The following PAPSS1 variants were observed in gnomAD, a reference collection of about 807,000 sequenced individuals.
PAPSS1 encodes the protein bifunctional 3'-phosphoadenosine 5'-phosphosulfate synthase 1.
In PAPSS1, 50 loss-of-function variants were observed where a neutral mutation model predicts 72.0. That is an observed-to-expected ratio of 0.69 (90% CI 0.55 to 0.88). The LOEUF (loss-of-function observed/expected upper bound fraction) is 0.88. Ranked by LOEUF, PAPSS1 falls within the 40% of genes least tolerant of loss-of-function variation. The pLI is 0.00. For synonymous variants in PAPSS1, 261 were observed against 263.6 expected (o/e 0.99, Z 0.09); for missense variants, 657 against 782.2 (o/e 0.84, Z 1.91).
In PAPSS1 at chr4:107,654,694, C is replaced by T; in HGVS notation, c.1101+1G>A. 6.2e-7 allele frequency: 1 copy of T among 1,611,452 alleles called. No individual in the cohort carries two copies. Among genetic ancestry groups the T allele is most frequent in the South Asian group, 1.1e-5 (1 of 90,900 alleles). Reference sequence around the variant, plus strand: ...AAAATGCAGCGAGGTTTTTTCAGCACCTTAATATAGGGGTGGTTCTTGCAT... The same window carrying T: ...AAAATGCAGCGAGGTTTTTTCAGCATCTTAATATAGGGGTGGTTCTTGCAT... On this transcript the variant is annotated splice_donor_variant, in intron 8 of 11. Transcript: ENST00000265174. LOFTEE classifies it high-confidence loss of function.
At chr4:107,632,720 C>G (rs973812996) in intron 10 of PAPSS1, among the ~76,000 whole-genome samples, 11 of 152,058 alleles carry the variant, frequency 7.2e-5, no homozygotes, top group Non-Finnish European at 1.6e-4. Context: ...GTGAAGCCCC[C>G]GAAAGGTTAA....
At chr4:107,663,857 T>C (rs897029044) in intron 5 of PAPSS1, among the ~76,000 whole-genome samples, 1 of 152,204 alleles carries the variant, frequency 6.6e-6, no homozygotes, top group African/African-American at 2.4e-5. Flanking sequence ...AGTTGAGAAG[T>C]ATTGAAAACT....
At chr4:107,692,780 A>G (rs575854031) in intron 3 of PAPSS1, among the ~76,000 whole-genome samples, 207 of 147,408 alleles carry the variant, frequency 1.4e-3, no homozygotes, top group African/African-American at 4.1e-3. Context: ...CACGGTGTGT[A>G]TATATATATA....
chr4:107,701,019 C>T, intron 2 of PAPSS1, 152 bp downstream of exon 2: 1 of 402,074 alleles, frequency 2.5e-6, no homozygotes, highest in Non-Finnish European at 4.4e-6. Flanking sequence ...AAAAAAATAA[C>T]AAGAAATATT....
At chr4:107,700,812 A>C (rs1300319783) in intron 2 of PAPSS1, among the ~76,000 whole-genome samples, 2 of 152,232 alleles carry the variant, frequency 1.3e-5, no homozygotes, top group African/African-American at 2.4e-5. Context: ...TAAATTACCC[A>C]GTCTCTGGTA....
At chr4:107,717,158 C>A (rs777798985) in intron 1 of PAPSS1, among the ~76,000 whole-genome samples, 3 of 151,372 alleles carry the variant, frequency 2.0e-5, no homozygotes, top group Non-Finnish European at 2.9e-5. Flanking sequence ...ATTGAAAAAA[C>A]ACTGAAATGA....
At chr4:107,661,441 A>G (rs1727179557) in intron 5 of PAPSS1, among the ~76,000 whole-genome samples, 1 of 152,322 alleles carries the variant, frequency 6.6e-6, no homozygotes, top group Admixed American at 6.5e-5. Context: ...GACAGCCACA[A>G]TGTGTCTTTA....
intron 5 of PAPSS1, among the ~76,000 whole-genome samples, chr4:107,671,198 T>TG (rs1190911055): frequency 4.6e-5 from 7 of 151,708 alleles, no homozygotes; most frequent in African/African-American, 1.4e-4. Context: ...GACTGAATCC[T>TG]GGAACAGGAA....
intron 2 of PAPSS1, among the ~76,000 whole-genome samples, chr4:107,695,275 A>G (rs1031151602): frequency 6.6e-6 from 1 of 152,152 alleles, no homozygotes; most frequent in Admixed American, 6.6e-5. Context: ...GAGTTTATTC[A>G]TGATTTGGCT....
intron 10 of PAPSS1, among the ~76,000 whole-genome samples, chr4:107,638,220 G>A (rs1309783638): frequency 1.3e-5 from 2 of 152,140 alleles, no homozygotes; most frequent in African/African-American, 4.8e-5. Context: ...CAAAAATTAT[G>A]AAATATACTT....
chr4:107,684,154 T>C (rs1722711400), intron 4 of PAPSS1, among the ~76,000 whole-genome samples: 1 of 152,180 alleles, frequency 6.6e-6, no homozygotes, highest in South Asian at 2.1e-4. Context: ...CAAGGTCTTA[T>C]TCATCTTTGA....
At chr4:107,630,806 T>C (rs950896694) in intron 11 of PAPSS1, among the ~76,000 whole-genome samples, 1 of 152,160 alleles carries the variant, frequency 6.6e-6, no homozygotes, top group African/African-American at 2.4e-5. Flanking sequence ...AGCCTTTGTA[T>C]GCCTCTAGAT....
intron 4 of PAPSS1, among the ~76,000 whole-genome samples, chr4:107,684,619 C>G (rs889463653): frequency 1.5e-4 from 23 of 152,186 alleles, no homozygotes; most frequent in African/African-American, 5.5e-4. Flanking sequence ...TTATCTTAAC[C>G]TGAACAATTC....
intron 1 of PAPSS1, among the ~76,000 whole-genome samples, chr4:107,715,860 C>G (rs1208255985): frequency 1.3e-5 from 2 of 152,258 alleles, no homozygotes; most frequent in East Asian, 3.9e-4. Flanking sequence ...CACTATAACC[C>G]CATATGGTAT....
At chr4:107,692,609 AT>A (rs2110342026) in intron 3 of PAPSS1, among the ~76,000 whole-genome samples, 1 of 152,304 alleles carries the variant, frequency 6.6e-6, no homozygotes, top group African/African-American at 2.4e-5. Context: ...CAGAAATACC[AT>A]TTGACCCAGC....
intron 5 of PAPSS1, among the ~76,000 whole-genome samples, chr4:107,679,111 G>A (rs1179391726): frequency 6.6e-6 from 1 of 152,140 alleles, no homozygotes; most frequent in East Asian, 1.9e-4. Flanking sequence ...AAGGAGCACT[G>A]AGAAAAACCC....
At chr4:107,617,647 C>A (rs1322039124) in intron 11 of PAPSS1, among the ~76,000 whole-genome samples, 1 of 152,160 alleles carries the variant, frequency 6.6e-6, no homozygotes, top group African/African-American at 2.4e-5. Flanking sequence ...GATAGACATA[C>A]ACATTCAACT....
intron 3 of PAPSS1, among the ~76,000 whole-genome samples, chr4:107,688,069 ACTAATGATC>A (rs1224390381): frequency 6.6e-6 from 1 of 151,894 alleles, no homozygotes; most frequent in African/African-American, 2.4e-5. Flanking sequence ...TTATCTACAT[ACTAATGATC>A]CTTTTCTCCC....
intron 11 of PAPSS1, among the ~76,000 whole-genome samples, chr4:107,620,412 CTT>C (rs1578378268): frequency 1.3e-5 from 2 of 152,138 alleles, no homozygotes; most frequent in South Asian, 2.1e-4. Flanking sequence ...ACATGACAAA[CTT>C]AACAATTTTT....
Sources: gnomAD v4.1 joint callset for allele counts (sites outside exome capture counted in the v4.1 genomes callset) on GRCh38, gnomAD v4.1.1 for gene constraint, MANE v1.5 for transcripts, NCBI Gene and HGNC (gene_info 2026-07-23, HGNC 2026-07-21) for gene names.